The following TEN1 variants were observed in gnomAD, a reference collection of about 807,000 sequenced individuals.
TEN1 encodes TEN1 subunit of CST complex, also known as CST complex subunit TEN1.
In TEN1, 6 loss-of-function variants were observed where a neutral mutation model predicts 9.3. The observed-to-expected ratio is 0.65, with a 90% CI of 0.35 to 1.27. The LOEUF (loss-of-function observed/expected upper bound fraction) is 1.27, where lower values mean the gene tolerates loss of function less well. Ranked by LOEUF, TEN1 falls within the 50% of genes most tolerant of loss-of-function variation. The pLI is 0.03. For missense variants in TEN1, 149 were observed against 158.2 expected (o/e 0.94, Z 0.31); for synonymous variants, 65 against 65.6 (o/e 0.99, Z 0.04).
Position 75,989,012 on chromosome 17 carries a change from C to T in TEN1, c.93-2454C>T, listed in dbSNP as rs2066169240. Among the ~76,000 whole-genome samples, 3 of 152,126 alleles carry T rather than the reference C, an allele frequency of 2.0e-5. No individual in the cohort carries two copies. The South Asian group carries it at 6.2e-4, about 31-fold the overall frequency. On this transcript the variant is annotated intron_variant, in intron 2 of 3. Transcript: ENST00000397640. ...GGTCTCGAACTCCTGACCTTGTAAT[C>T]CACCCGCCTCGGCCCCCCAAAGTGC...
At chr17:75,986,686 A>G (rs2144347621) in intron 2 of TEN1, among the ~76,000 whole-genome samples, 1 of 151,908 alleles carries the variant, frequency 6.6e-6, no homozygotes, top group South Asian at 2.1e-4. Flanking sequence ...GGGCGACAAG[A>G]GCAAAACTCT....
Position 75,980,656 on chromosome 17 carries a change from C to G in TEN1, c.-7+1145C>G, listed in dbSNP as rs147591724. ...GCCAGGCTGGTCTCGAATTCCTGAC[C>G]TGTTGATCCACCTGCCTCGGCCTCC... On this transcript the variant is annotated intron_variant, in intron 1 of 3. Coordinates refer to ENST00000397640, the MANE Select transcript of TEN1 (RefSeq NM_001113324.3). Among the ~76,000 whole-genome samples, 1,005 of 152,314 alleles carry G rather than the reference C, an allele frequency of 6.6e-3. 6 individuals carry two copies. The highest frequency in any genetic ancestry group is 0.023 in the African/African-American group (944 of 41,554).
intron 3 of TEN1, among the ~76,000 whole-genome samples, chr17:75,994,624 C>T (rs142057056): frequency 0.038 from 5,814 of 151,470 alleles, 182 homozygotes; most frequent in East Asian, 0.15. Flanking sequence ...ATTACAGGCG[C>T]CTGCCACTGT....
chr17:75,986,781 T>C (rs1490505542), intron 2 of TEN1, among the ~76,000 whole-genome samples: 1 of 151,660 alleles, frequency 6.6e-6, no homozygotes. Flanking sequence ...AGATAGTCCA[T>C]AAAGGTGTAG....
intron 3 of TEN1, among the ~76,000 whole-genome samples, chr17:75,999,345 A>T (rs72865839): frequency 0.21 from 31,494 of 151,836 alleles, 3,393 homozygotes; most frequent in Middle Eastern, 0.28. Flanking sequence ...TGTCTCAAAA[A>T]AAAAATTTTT....
intron 1 of TEN1, among the ~76,000 whole-genome samples, chr17:75,985,767 G>A (rs1486634245): frequency 5.4e-5 from 8 of 149,290 alleles, no homozygotes; most frequent in East Asian, 2.0e-4. Flanking sequence ...CAGGTGATCC[G>A]CCCGCCTCAG....
intron 2 of TEN1, among the ~76,000 whole-genome samples, chr17:75,987,263 G>A (rs1392841346): frequency 6.6e-6 from 1 of 152,230 alleles, no homozygotes; most frequent in Non-Finnish European, 1.5e-5. Context: ...TTATCTGGAG[G>A]CTTGACTGGG....
chr17:75,979,449 C>G lies in TEN1; in HGVS notation c.-69C>G. 1 of 362,248 alleles carries G rather than the reference C, an allele frequency of 2.8e-6. No homozygotes were observed. Among genetic ancestry groups the G allele is most frequent in the Admixed American group, 4.0e-5 (1 of 24,974 alleles). 22.4% of individuals were successfully genotyped at this position (362,248 alleles called of 1,614,324 possible). A position where few individuals can be genotyped will look rare whatever the true frequency, so the allele number is the denominator to read the frequency against. On this transcript the variant is annotated 5_prime_UTR_variant, in exon 1 of 4. Transcript: ENST00000397640. ...AAGCACTTTTTGTATCCCGCCCCTC[C>G]CCCGTCACGTGACCACGCGAGGCGG...
intron 2 of TEN1, among the ~76,000 whole-genome samples, chr17:75,990,339 A>C (rs865823895): frequency 9.2e-5 from 14 of 152,050 alleles, no homozygotes; most frequent in Middle Eastern, 3.4e-3. Context: ...ATGAGCCACC[A>C]CGCCCAGCTA....
intron 2 of TEN1, among the ~76,000 whole-genome samples, chr17:75,991,142 T>C (rs1598214025): frequency 2.7e-5 from 2 of 73,290 alleles, no homozygotes; most frequent in Admixed American, 2.1e-4. Flanking sequence ...AAAGCGAGAC[T>C]CCATCTCAAA....
intron 3 of TEN1, among the ~76,000 whole-genome samples, chr17:75,994,610 T>A (rs868443715): frequency 6.6e-6 from 1 of 151,472 alleles, no homozygotes; most frequent in Non-Finnish European, 1.5e-5. Context: ...CCTGAGTAGC[T>A]GGGATTACAG....
chr17:75,979,905 G>A (rs1410525838), intron 1 of TEN1, among the ~76,000 whole-genome samples: 3 of 151,532 alleles, frequency 2.0e-5, no homozygotes, highest in African/African-American at 4.9e-5. Flanking sequence ...CCAAGCGGGC[G>A]GTGCTGCTCT....
chr17:75,980,843 C>G (rs547436371), intron 1 of TEN1, among the ~76,000 whole-genome samples: 2 of 152,316 alleles, frequency 1.3e-5, no homozygotes, highest in East Asian at 3.9e-4. Flanking sequence ...CCTAGGACCT[C>G]AGGATCCTCA....
chr17:75,992,144 C>T (rs2066189808), intron 3 of TEN1, among the ~76,000 whole-genome samples: 1 of 151,974 alleles, frequency 6.6e-6, no homozygotes. Flanking sequence ...TTCTCAAGGC[C>T]TACAACACAC....
At chr17:75,986,817 C>G (rs1156284549) in intron 2 of TEN1, among the ~76,000 whole-genome samples, 2 of 151,854 alleles carry the variant, frequency 1.3e-5, no homozygotes, top group African/African-American at 4.8e-5. Flanking sequence ...CACCCATAAT[C>G]CCATTACCCA....
chr17:75,984,979 C>T (rs1011345231), intron 1 of TEN1: 6 of 151,600 alleles, frequency 4.0e-5, no homozygotes, highest in South Asian at 2.1e-4. Context: ...CGCGGTGGCT[C>T]ATGCCTGTAA....
chr17:75,988,699 G>A (rs1008123064), intron 2 of TEN1, among the ~76,000 whole-genome samples: 2 of 151,670 alleles, frequency 1.3e-5, no homozygotes, highest in Non-Finnish European at 2.9e-5. Flanking sequence ...TCTCAGACAT[G>A]TAGATCTATA....
At chr17:75,982,967 CAA>C (rs201468207) in intron 1 of TEN1, among the ~76,000 whole-genome samples, 10 of 94,758 alleles carry the variant, frequency 1.1e-4, no homozygotes, top group Admixed American at 1.1e-4. Flanking sequence ...CGCCTTGGCT[CAA>C]AAAAAAAAAA....
intron 3 of TEN1, among the ~76,000 whole-genome samples, chr17:75,993,957 C>G (rs2144359365): frequency 6.6e-6 from 1 of 151,598 alleles, no homozygotes; most frequent in Non-Finnish European, 1.5e-5. Context: ...GGAGATCGTG[C>G]CACTGCACTC....
Sources: gnomAD v4.1 joint callset for allele counts (sites outside exome capture counted in the v4.1 genomes callset) on GRCh38, gnomAD v4.1.1 for gene constraint, MANE v1.5 for transcripts, NCBI Gene and HGNC (gene_info 2026-07-23, HGNC 2026-07-21) for gene names.